PPFIA1: variants seen among roughly 807,000 people sequenced by gnomAD.
PPFIA1 encodes the protein liprin-alpha-1.
In PPFIA1, 25 loss-of-function variants were observed where a neutral mutation model predicts 149.9. The observed-to-expected ratio is 0.17, with a 90% CI of 0.12 to 0.23. PPFIA1 has a LOEUF of 0.23. Among genes scored for constraint, PPFIA1 ranks in the 10% least tolerant of loss-of-function variants. The pLI is 1.00. For synonymous variants in PPFIA1, 549 were observed against 552.8 expected, an observed-to-expected ratio of 0.99 and a Z score of 0.10; for missense variants, 1,362 against 1,506.5, an observed-to-expected ratio of 0.90 and a Z score of 1.59.
At chr11:70,288,107 C>T (rs2051275384) in intron 2 of PPFIA1, among the ~76,000 whole-genome samples, 2 of 147,842 alleles carry the variant, frequency 1.4e-5, no homozygotes, top group Admixed American at 1.4e-4. Context: ...CGGAGTCTTG[C>T]TCTGTCGCCC....
At chr11:70,298,864 G>C (rs1245775435) in intron 2 of PPFIA1, among the ~76,000 whole-genome samples, 1 of 152,130 alleles carries the variant, frequency 6.6e-6, no homozygotes, top group African/African-American at 2.4e-5. Flanking sequence ...TTTTTAAACT[G>C]TCAGTAATTT....
At chr11:70,363,560 C>G (rs146950460) in intron 21 of PPFIA1, among the ~76,000 whole-genome samples, 4 of 152,292 alleles carry the variant, frequency 2.6e-5, no homozygotes, top group African/African-American at 7.2e-5. Context: ...GTCACCCAGG[C>G]TGGAGTGCAG....
intron 2 of PPFIA1, among the ~76,000 whole-genome samples, chr11:70,273,686 C>G (rs916690432): frequency 6.6e-6 from 1 of 152,112 alleles, no homozygotes; most frequent in African/African-American, 2.4e-5. Flanking sequence ...TTGACGTTAG[C>G]GCTCTATGTT....
At chr11:70,350,466 G>A (rs896894120) in intron 16 of PPFIA1, among the ~76,000 whole-genome samples, 9 of 152,178 alleles carry the variant, frequency 5.9e-5, no homozygotes, top group African/African-American at 2.2e-4. Context: ...GCTAGCTTTT[G>A]TTCTTATATA....
At position 70,326,719 on chromosome 11, in the gene PPFIA1, C is replaced by T. The variant is rs141950926; in HGVS notation, c.831C>T (p.Ser277=). 5 of 1,613,960 alleles carry T rather than the reference C, an allele frequency of 3.1e-6. No homozygotes were observed. Among genetic ancestry groups the T allele is most frequent in the African/African-American group, 1.3e-5 (1 of 74,892 alleles). ...TGAAAGAACGCCTGGCTTCCCTTTCCAGTCATGTGACAGAACTGGAAGAGG... is the reference window on the plus strand; with the variant it reads ...TGAAAGAACGCCTGGCTTCCCTTTCTAGTCATGTGACAGAACTGGAAGAGG... ...SQMKERLASL[S]SHVTELEEDL... Residue 277 remains serine (S), a synonymous_variant, in exon 7 of 28, where the codon TCC becomes TCT. Transcript: ENST00000253925.
In PPFIA1 at chr11:70,272,402, C is replaced by T. The variant is rs202118330; in HGVS notation, c.230C>T (p.Ser77Phe). The T allele has an allele frequency of 1.2e-6, 2 of 1,614,006 alleles. No homozygotes were observed. Among genetic ancestry groups the T allele is most frequent in the Non-Finnish European group, 1.7e-6 (2 of 1,179,972 alleles). ...CACGAGGTTGGTCATGAAAGAGATTCCTTGCAGAGACAGCTCAACACGGCA... is the reference window on the plus strand; with the variant it reads ...CACGAGGTTGGTCATGAAAGAGATTTCTTGCAGAGACAGCTCAACACGGCA... ...KLHEVGHERD[S>F]LQRQLNTALP... The change falls in exon 2 of 28, where the codon TCC (serine) becomes TTC (phenylalanine). Residue 77 changes from serine (S) to phenylalanine (F), a missense_variant. Transcript: ENST00000253925.
chr11:70,280,237 CAT>C lies in PPFIA1; in HGVS notation c.264+7813_264+7814del, dbSNP rs1294275393. On this transcript the variant is annotated intron_variant, in intron 2 of 27. Coordinates refer to ENST00000253925, the MANE Select transcript of PPFIA1 (RefSeq NM_003626.5). ...GTGTGTATATATATATACGTACATA[CAT>C]ATATATATATAAATATATATGTATA... Among the ~76,000 whole-genome samples the C allele has an allele frequency of 2.1e-3, 317 of 148,276 alleles. 2 individuals are homozygous for C. The highest frequency in any genetic ancestry group is 7.6e-3 in the African/African-American group (305 of 40,324).
intron 2 of PPFIA1, among the ~76,000 whole-genome samples, chr11:70,322,475 C>T (rs948617462): frequency 5.3e-5 from 8 of 152,290 alleles, no homozygotes; most frequent in African/African-American, 7.2e-5. Flanking sequence ...TCCTCCCGCA[C>T]GCTGCCCAGC....
At chr11:70,341,423 C>G (rs1276194569) in intron 14 of PPFIA1, among the ~76,000 whole-genome samples, 1 of 152,090 alleles carries the variant, frequency 6.6e-6, no homozygotes, top group African/African-American at 2.4e-5. Context: ...TCAAAGATGA[C>G]TCCAAGCCTT....
intron 5 of PPFIA1, among the ~76,000 whole-genome samples, chr11:70,325,789 C>G (rs1024317164): frequency 1.1e-4 from 16 of 151,870 alleles, no homozygotes; most frequent in Admixed American, 7.2e-4. Context: ...AAAAATTAGC[C>G]AGGAGTTGTG....
At chr11:70,335,845 T>C (rs1591261250) in intron 11 of PPFIA1, 151 bp downstream of exon 11, 7 of 854,538 alleles carry the variant, frequency 8.2e-6, no homozygotes, top group East Asian at 8.1e-5. Flanking sequence ...TGCACAGTTA[T>C]CCAGTCACTG....
At chr11:70,349,982 A>G in intron 16 of PPFIA1, 1 of 454,806 alleles carries the variant, frequency 2.2e-6, no homozygotes, top group South Asian at 1.6e-5. Context: ...TAGTTTACTC[A>G]TCCACCTCCC....
At chr11:70,335,488 G>T in intron 10 of PPFIA1, 75 bp from the exon 11 acceptor site, 1 of 1,554,058 alleles carries the variant, frequency 6.4e-7, no homozygotes, top group Non-Finnish European at 8.8e-7. Context: ...GGCTCACCCT[G>T]TTGGTCCTTG....
chr11:70,313,244 A>G (rs562680018), intron 2 of PPFIA1, among the ~76,000 whole-genome samples: 1 of 152,306 alleles, frequency 6.6e-6, no homozygotes, highest in East Asian at 1.9e-4. Context: ...CAAGGTCTGG[A>G]TGAGACAATC....
In PPFIA1 at chr11:70,377,822, C is replaced by T. The variant is rs555813002; in HGVS notation, c.3385-208C>T. Among the ~76,000 whole-genome samples the T allele has an allele frequency of 2.6e-5, 4 of 152,338 alleles. No homozygotes were observed. In the South Asian group the frequency reaches 8.3e-4, roughly 32 times the overall value. On this transcript the variant is annotated intron_variant, in intron 25 of 27. Coordinates refer to ENST00000253925, the MANE Select transcript of PPFIA1 (RefSeq NM_003626.5). ...CCCAGCACCGACCTCATTTCGCCAG[C>T]TGAGGCCCAGCCGGACCATCACCAT...
chr11:70,299,522 C>T (rs1047768030), intron 2 of PPFIA1, among the ~76,000 whole-genome samples: 4 of 152,182 alleles, frequency 2.6e-5, no homozygotes, highest in African/African-American at 9.7e-5. Flanking sequence ...ACCCTCTCCT[C>T]GGCCCCTCCA....
chr11:70,288,008 C>G (rs928005566), intron 2 of PPFIA1, among the ~76,000 whole-genome samples: 1 of 151,654 alleles, frequency 6.6e-6, no homozygotes, highest in African/African-American at 2.4e-5. Flanking sequence ...TGTATAGGTC[C>G]CACTGCGCTG....
At chr11:70,278,463 C>A (rs180742999) in intron 2 of PPFIA1, among the ~76,000 whole-genome samples, 26 of 152,300 alleles carry the variant, frequency 1.7e-4, no homozygotes, top group African/African-American at 5.8e-4. Context: ...GACAAGTCAG[C>A]TTTTGGTGTT....
intron 10 of PPFIA1, 75 bp from the exon 11 acceptor site, chr11:70,335,488 G>A (rs2054916538): frequency 1.4e-5 from 21 of 1,553,940 alleles, no homozygotes; most frequent in Admixed American, 3.5e-5. Flanking sequence ...GGCTCACCCT[G>A]TTGGTCCTTG....
Sources: allele counts gnomAD v4.1 joint callset (sites outside exome capture counted in the v4.1 genomes callset), GRCh38; gene constraint gnomAD v4.1.1; transcripts MANE v1.5; gene names NCBI Gene and HGNC (gene_info 2026-07-23, HGNC 2026-07-21).